GRM7: variants seen among roughly 807,000 people sequenced by gnomAD.
GRM7 encodes the protein glutamate metabotropic receptor 7, also known as metabotropic glutamate receptor 7.
GRM7 carries 35 observed loss-of-function variants against 84.5 expected under a neutral mutation model. The ratio of observed to expected loss-of-function variants is 0.41; its 90% confidence interval spans 0.32 to 0.55. The LOEUF is 0.55. Ranked by LOEUF, GRM7 falls within the 20% of genes least tolerant of loss-of-function variation. The probability of loss-of-function intolerance (pLI) is 0.19; values close to 1 mark genes in which losing one functional copy is unlikely to be tolerated. For synonymous variants in GRM7, 487 were observed against 455.1 expected (o/e 1.07, Z -0.89); for missense variants, 1,003 against 1,194.6 (o/e 0.84, Z 2.36).
chr3:7,452,774 T>C lies in GRM7; in HGVS notation c.1342T>C (p.Leu448=), dbSNP rs1255772380. ...PEMEQAGGKK[L]LKYIRNVNFN... Reference sequence around the variant, plus strand: ...GATGGAGCAAGCTGGAGGCAAGAAGTTGCTGAAGTATATACGCAATGTTAA... The same window carrying C: ...GATGGAGCAAGCTGGAGGCAAGAAGCTGCTGAAGTATATACGCAATGTTAA... Residue 448 remains leucine (L), a synonymous_variant, in exon 6 of 10, where the codon TTG becomes CTG. Transcript: ENST00000357716. 1.9e-6 allele frequency: 3 copies of C among 1,612,898 alleles called. No homozygotes were observed. The African/African-American group carries it at 4.0e-5, about 22-fold the overall frequency.
chr3:6,871,569 C>T (rs1695121392), intron 1 of GRM7, among the ~76,000 whole-genome samples: 1 of 151,382 alleles, frequency 6.6e-6, no homozygotes, highest in African/African-American at 2.4e-5. Flanking sequence ...GTTGTCATCT[C>T]CGTTTAGGTA....
chr3:7,289,979 C>A (rs1699564116), intron 2 of GRM7, among the ~76,000 whole-genome samples: 1 of 151,480 alleles, frequency 6.6e-6, no homozygotes. Context: ...GCACGTTGTG[C>A]ACATGTACCC....
At chr3:7,626,846 T>C (rs1052428562) in intron 8 of GRM7, among the ~76,000 whole-genome samples, 1 of 151,764 alleles carries the variant, frequency 6.6e-6, no homozygotes, top group Non-Finnish European at 1.5e-5. Flanking sequence ...ATAAAAAAGA[T>C]CAAATATTTT....
chr3:7,021,785 C>T (rs930260470), intron 1 of GRM7, among the ~76,000 whole-genome samples: 4 of 152,156 alleles, frequency 2.6e-5, no homozygotes, highest in Non-Finnish European at 4.4e-5. Context: ...GCCTATTTAT[C>T]TGACATTTTC....
chr3:7,248,273 A>G (rs1697848748), intron 2 of GRM7, among the ~76,000 whole-genome samples: 2 of 152,218 alleles, frequency 1.3e-5, no homozygotes, highest in African/African-American at 2.4e-5. Context: ...ACAAGGGAAT[A>G]CTACTCAACA....
intron 1 of GRM7, among the ~76,000 whole-genome samples, chr3:6,949,247 C>T (rs540894938): frequency 6.6e-6 from 1 of 152,120 alleles, no homozygotes; most frequent in African/African-American, 2.4e-5. Context: ...TTAGAGCAGG[C>T]CTGGTGGTGA....
intron 2 of GRM7, among the ~76,000 whole-genome samples, chr3:7,210,785 G>T (rs1374074221): frequency 1.4e-5 from 2 of 137,954 alleles, no homozygotes; most frequent in Admixed American, 1.5e-4. Context: ...AGACAATTAT[G>T]AACATGCTGT....
At chr3:6,991,753 G>C (rs2124856799) in intron 1 of GRM7, among the ~76,000 whole-genome samples, 1 of 152,108 alleles carries the variant, frequency 6.6e-6, no homozygotes, top group East Asian at 1.9e-4. Flanking sequence ...CATTCTGTTA[G>C]TTACCATTTG....
At chr3:6,951,304 TA>T (rs1421091055) in intron 1 of GRM7, among the ~76,000 whole-genome samples, 5 of 152,196 alleles carry the variant, frequency 3.3e-5, no homozygotes, top group Non-Finnish European at 7.3e-5. Context: ...TGATTTTTAT[TA>T]TTTTTTTCTT....
intron 6 of GRM7, among the ~76,000 whole-genome samples, chr3:7,453,322 A>G (rs1413505840): frequency 1.3e-5 from 2 of 152,026 alleles, no homozygotes; most frequent in African/African-American, 4.8e-5. Flanking sequence ...GCATGCTGTG[A>G]AACCCCACAA....
At chr3:7,466,733 A>G (rs1698473999) in intron 7 of GRM7, among the ~76,000 whole-genome samples, 1 of 152,186 alleles carries the variant, frequency 6.6e-6, no homozygotes, top group Non-Finnish European at 1.5e-5. Flanking sequence ...AATGAATATT[A>G]TTTCCTCTTT....
chr3:7,213,577 A>G (rs1696501453), intron 2 of GRM7, among the ~76,000 whole-genome samples: 1 of 152,212 alleles, frequency 6.6e-6, no homozygotes, highest in Admixed American at 6.5e-5. Flanking sequence ...TATATACAGG[A>G]GGTTTACTGG....
chr3:7,126,964 T>A (rs1693423365), intron 1 of GRM7, among the ~76,000 whole-genome samples: 1 of 152,212 alleles, frequency 6.6e-6, no homozygotes, highest in Admixed American at 6.5e-5. Flanking sequence ...TTGAGTAAAT[T>A]TCAATTATTT....
chr3:7,262,319 C>T (rs879419396), intron 2 of GRM7, among the ~76,000 whole-genome samples: 1 of 151,832 alleles, frequency 6.6e-6, no homozygotes, highest in Non-Finnish European at 1.5e-5. Context: ...TTTTAAAATT[C>T]ATGTTTGACT....
intron 9 of GRM7, among the ~76,000 whole-genome samples, chr3:7,709,909 G>A (rs1259508998): frequency 1.3e-5 from 2 of 151,960 alleles, no homozygotes; most frequent in Non-Finnish European, 2.9e-5. Flanking sequence ...TTCCCCATAC[G>A]TCAGCCTTGG....
intron 4 of GRM7, among the ~76,000 whole-genome samples, chr3:7,411,294 A>G (rs1296855389): frequency 6.6e-6 from 1 of 152,208 alleles, no homozygotes; most frequent in Non-Finnish European, 1.5e-5. Context: ...TTTAAGAGCC[A>G]AATTTAAACC....
intron 2 of GRM7, among the ~76,000 whole-genome samples, chr3:7,276,805 T>TCCTTCCTTCCTTCCCTTCCTCCC (rs1699086677): frequency 2.2e-3 from 3 of 1,344 alleles, no homozygotes; most frequent in African/African-American, 2.6e-3. Context: ...CTTCCTTCCT[T>TCCTTCCTTCCTTCCCTTCCTCCC]TTTGGTGGTG....
intron 3 of GRM7, among the ~76,000 whole-genome samples, chr3:7,300,179 A>G (rs1261555473): frequency 1.3e-5 from 2 of 152,160 alleles, no homozygotes; most frequent in East Asian, 3.9e-4. Flanking sequence ...AAAATAATAT[A>G]TCATTGACTT....
intron 1 of GRM7, among the ~76,000 whole-genome samples, chr3:7,143,990 G>T (rs1025301040): frequency 1.3e-5 from 2 of 151,936 alleles, no homozygotes; most frequent in African/African-American, 4.8e-5. Context: ...CAATCGACAC[G>T]TAGGTAACTC....
Sources: gnomAD v4.1 joint callset for allele counts (sites outside exome capture counted in the v4.1 genomes callset) on GRCh38, gnomAD v4.1.1 for gene constraint, MANE v1.5 for transcripts, NCBI Gene and HGNC (gene_info 2026-07-23, HGNC 2026-07-21) for gene names.